RDX: variants seen among roughly 807,000 people sequenced by gnomAD.
The protein encoded by RDX is deafness, autosomal recessive 24.
A neutral mutation model predicts 83.7 loss-of-function variants in RDX; 32 were observed. The observed-to-expected ratio is 0.38, with a 90% CI of 0.29 to 0.51. The LOEUF (loss-of-function observed/expected upper bound fraction) is 0.51. RDX is among the 20% of genes least tolerant of loss of function. The probability of loss-of-function intolerance (pLI) is 0.87; values close to 1 mark genes in which losing one functional copy is unlikely to be tolerated. For synonymous variants in RDX, 229 were observed against 222.7 expected, an observed-to-expected ratio of 1.03 and a Z score of -0.25; for missense variants, 600 against 689.9, an observed-to-expected ratio of 0.87 and a Z score of 1.46.
At chr11:110,236,413 C>T in intron 11 of RDX, 1 of 454,910 alleles carries the variant, frequency 2.2e-6, no homozygotes, top group South Asian at 3.1e-5. Flanking sequence ...ATTCTACAGA[C>T]TAGTTAATCC....
chr11:110,183,877 G>GACTAC (rs1485345744), intron 15 of RDX, among the ~76,000 whole-genome samples: 4 of 152,210 alleles, frequency 2.6e-5, no homozygotes, highest in Non-Finnish European at 5.9e-5. Flanking sequence ...TGGCACCCTG[G>GACTAC]ACTACAGGGC....
At chr11:110,258,564 T>A (rs1371639496) in intron 5 of RDX, among the ~76,000 whole-genome samples, 1 of 152,124 alleles carries the variant, frequency 6.6e-6, no homozygotes, top group Admixed American at 6.6e-5. Context: ...CTTGAAATAA[T>A]ACTTGCTCCA....
intron 14 of RDX, among the ~76,000 whole-genome samples, chr11:110,219,834 G>C (rs572146824): frequency 6.6e-5 from 10 of 152,290 alleles, no homozygotes; most frequent in African/African-American, 2.2e-4. Context: ...ATATACATCT[G>C]AAGTTCAGGG....
chr11:110,240,840 A>G (rs1045485635), intron 10 of RDX, among the ~76,000 whole-genome samples: 6 of 151,600 alleles, frequency 4.0e-5, no homozygotes, highest in African/African-American at 1.5e-4. Context: ...AGATCACCTC[A>G]GGTCAGGAGT....
intron 10 of RDX, among the ~76,000 whole-genome samples, chr11:110,239,750 T>C (rs1055764541): frequency 6.6e-6 from 1 of 151,170 alleles, no homozygotes; most frequent in Admixed American, 6.6e-5. Flanking sequence ...TGGTGGCACA[T>C]GTAATCCCAG....
intron 15 of RDX, among the ~76,000 whole-genome samples, chr11:110,190,983 T>A (rs955877785): frequency 6.6e-6 from 1 of 152,192 alleles, no homozygotes; most frequent in Non-Finnish European, 1.5e-5. Flanking sequence ...CTAGACCAGA[T>A]GGATTCACAG....
intron 15 of RDX, among the ~76,000 whole-genome samples, chr11:110,177,264 G>C (rs140276758): frequency 7.2e-5 from 11 of 152,368 alleles, no homozygotes; most frequent in African/African-American, 2.4e-4. Flanking sequence ...CCTGTGGGAA[G>C]TGGTGAGGTG....
At chr11:110,201,683 G>A (rs1001661543) in intron 14 of RDX, among the ~76,000 whole-genome samples, 5 of 152,196 alleles carry the variant, frequency 3.3e-5, no homozygotes, top group Non-Finnish European at 7.3e-5. Context: ...TCAAGTTATA[G>A]CAAGAATATA....
At chr11:110,199,820 T>G (rs574707698) in intron 14 of RDX, 2 of 654,782 alleles carry the variant, frequency 3.1e-6, no homozygotes, top group South Asian at 3.3e-5. Flanking sequence ...GGCCTGTTAT[T>G]GTCAAACTGT....
At chr11:110,271,660 T>C (rs1016012701) in intron 3 of RDX, among the ~76,000 whole-genome samples, 2 of 152,162 alleles carry the variant, frequency 1.3e-5, no homozygotes, top group Admixed American at 6.5e-5. Flanking sequence ...TCCTTTCCCT[T>C]TTTTTAAAGC....
At chr11:110,292,901 T>A (rs908305129) in intron 1 of RDX, among the ~76,000 whole-genome samples, 2 of 152,198 alleles carry the variant, frequency 1.3e-5, no homozygotes, top group Non-Finnish European at 2.9e-5. Context: ...ATTATAAACC[T>A]CCTTTTTTAA....
At chr11:110,267,104 A>C (rs963914874) in intron 3 of RDX, among the ~76,000 whole-genome samples, 1 of 152,056 alleles carries the variant, frequency 6.6e-6, no homozygotes, top group South Asian at 2.1e-4. Context: ...GGGTCTCACT[A>C]TGTTGCCCAG....
At chr11:110,187,830 AG>A (rs1365588123) in intron 15 of RDX, among the ~76,000 whole-genome samples, 2 of 152,240 alleles carry the variant, frequency 1.3e-5, no homozygotes, top group Admixed American at 6.5e-5. Context: ...CCATTGCCTG[AG>A]GAAAAAAGAG....
intron 10 of RDX, among the ~76,000 whole-genome samples, chr11:110,240,038 T>C (rs1042511212): frequency 2.0e-5 from 3 of 152,076 alleles, no homozygotes; most frequent in Non-Finnish European, 4.4e-5. Context: ...TATCCAGCAA[T>C]AGTATCCAGC....
chr11:110,294,313 T>C (rs1861358221), intron 1 of RDX, among the ~76,000 whole-genome samples: 1 of 152,216 alleles, frequency 6.6e-6, no homozygotes, highest in Non-Finnish European at 1.5e-5. Flanking sequence ...AAGAATCACT[T>C]GAACCCAGGA....
intron 10 of RDX, among the ~76,000 whole-genome samples, chr11:110,241,617 C>A (rs1252562630): frequency 6.6e-6 from 1 of 152,142 alleles, no homozygotes; most frequent in African/African-American, 2.4e-5. Flanking sequence ...ATAATTAATT[C>A]TTTTCATCTG....
At chr11:110,252,878 T>G (rs985408157) in intron 9 of RDX, among the ~76,000 whole-genome samples, 2 of 152,190 alleles carry the variant, frequency 1.3e-5, no homozygotes, top group African/African-American at 4.8e-5. Flanking sequence ...GCAATCCTCC[T>G]GCCTCAGCCT....
At position 110,295,944 on chromosome 11, in the gene RDX, C is replaced by G. The variant is rs141706234; in HGVS notation, c.-65+523G>C. Among the ~76,000 whole-genome samples, 18 of 152,322 alleles carry G rather than the reference C, an allele frequency of 1.2e-4. No individual in the cohort carries two copies. In the East Asian group the frequency reaches 3.3e-3, roughly 28 times the overall value. On this transcript the variant is annotated intron_variant, in intron 1 of 13. Coordinates refer to ENST00000645495, the MANE Select transcript of RDX (RefSeq NM_002906.4). Reference sequence around the variant, plus strand: ...CCCTTTGCCACTGGGGCGGAACGCACGCTCTCTAGTAATTTAACACCCCTC... The same window carrying G: ...CCCTTTGCCACTGGGGCGGAACGCAGGCTCTCTAGTAATTTAACACCCCTC...
chr11:110,284,530 T>A (rs944943530), intron 1 of RDX, among the ~76,000 whole-genome samples: 52 of 151,976 alleles, frequency 3.4e-4, no homozygotes, highest in Middle Eastern at 3.4e-3. Context: ...ATTATTATTT[T>A]TTTTTTTTTT....
Sources: gnomAD v4.1 joint callset for allele counts (sites outside exome capture counted in the v4.1 genomes callset) on GRCh38, gnomAD v4.1.1 for gene constraint, MANE v1.5 for transcripts, NCBI Gene and HGNC (gene_info 2026-07-23, HGNC 2026-07-21) for gene names.